PLA2R1: variants seen among roughly 807,000 people sequenced by gnomAD.
PLA2R1 encodes phospholipase A2 receptor 1.
In PLA2R1, 158 loss-of-function variants were observed where a neutral mutation model predicts 195.9. The observed-to-expected ratio is 0.81, with a 90% CI of 0.71 to 0.92. The LOEUF is 0.92. Among genes scored for constraint, PLA2R1 ranks in the 40% least tolerant of loss-of-function variants. The pLI is 0.00. For synonymous variants in PLA2R1, 586 were observed against 598.2 expected (o/e 0.98, Z 0.30); for missense variants, 1,626 against 1,764.6 (o/e 0.92, Z 1.41).
chr2:160,045,753 A>T (rs1694819146), intron 1 of PLA2R1, among the ~76,000 whole-genome samples: 1 of 152,114 alleles, frequency 6.6e-6, no homozygotes, highest in South Asian at 2.1e-4. Flanking sequence ...ACCTCTTGCT[A>T]TATGGGGATA....
At chr2:159,971,276 G>T (rs868163881) in intron 17 of PLA2R1, among the ~76,000 whole-genome samples, 5 of 152,254 alleles carry the variant, frequency 3.3e-5, no homozygotes, top group African/African-American at 9.6e-5. Flanking sequence ...ATCTAAGATT[G>T]TATTAGTAAT....
At chr2:160,031,811 G>A (rs1056115545) in intron 4 of PLA2R1, among the ~76,000 whole-genome samples, 7 of 152,166 alleles carry the variant, frequency 4.6e-5, no homozygotes, top group African/African-American at 1.4e-4. Context: ...CTGCCACCCA[G>A]GCTGGAGTGC....
intron 23 of PLA2R1, among the ~76,000 whole-genome samples, chr2:159,954,231 C>T (rs1028946343): frequency 1.3e-5 from 2 of 152,000 alleles, no homozygotes; most frequent in Non-Finnish European, 2.9e-5. Flanking sequence ...TGGCATACCG[C>T]GCATACACTC....
At chr2:159,924,992 A>C in the PLA2R1 span, among the ~76,000 whole-genome samples, 1 of 152,172 alleles carries the variant, frequency 6.6e-6, no homozygotes, top group African/African-American at 2.4e-5. Context: ...GACTTGGGCA[A>C]TACGATGTGG....
At chr2:160,006,733 G>C (rs1355419) in intron 10 of PLA2R1, among the ~76,000 whole-genome samples, 26,146 of 152,216 alleles carry the variant, frequency 0.17, 4,120 homozygotes, top group African/African-American at 0.42. Flanking sequence ...CAGACCTGCT[G>C]AGTCAATGGA....
chr2:159,934,948 T>C lies in PLA2R1; in HGVS notation c.*6830A>G, dbSNP rs774646230. The C allele has an allele frequency of 4.6e-5, 7 of 152,232 alleles. No individual in the cohort carries two copies. Among genetic ancestry groups the C allele is most frequent in the South Asian group, 2.1e-4 (1 of 4,830 alleles). 9.4% of individuals were successfully genotyped at this position (152,232 alleles called of 1,614,324 possible). ...CTTGCACGTAGTTGTCATGTCTCTT[T>C]AGTGTCCTCCAATCCTTGACATTTC... On this transcript the variant is annotated 3_prime_UTR_variant, in exon 30 of 30. Coordinates refer to ENST00000283243, the MANE Select transcript of PLA2R1 (RefSeq NM_007366.5).
chr2:160,056,563 T>C (rs1363579360), intron 1 of PLA2R1, among the ~76,000 whole-genome samples: 2 of 152,238 alleles, frequency 1.3e-5, no homozygotes, highest in Non-Finnish European at 2.9e-5. Context: ...CATCTAACTT[T>C]CACTAACTGT....
intron 3 of PLA2R1, among the ~76,000 whole-genome samples, chr2:160,041,603 T>C (rs991173327): frequency 6.6e-6 from 1 of 150,606 alleles, no homozygotes; most frequent in African/African-American, 2.4e-5. Context: ...GGCTTGACAA[T>C]GGGCGAGACA....
In PLA2R1 at chr2:159,946,782, C is replaced by T; in HGVS notation, c.3967+19G>A. ...ACCATGTATTTATTTATGTCCTCTC[C>T]TCTACCCAAATCACTTACTGTTACC... On this transcript the variant is annotated intron_variant, in intron 27 of 29. Coordinates refer to ENST00000283243, the MANE Select transcript of PLA2R1 (RefSeq NM_007366.5). 1 of 1,596,500 alleles carries T rather than the reference C, an allele frequency of 6.3e-7. No homozygotes were observed. Among genetic ancestry groups the T allele is most frequent in the Non-Finnish European group, 8.5e-7 (1 of 1,175,628 alleles).
At chr2:159,975,037 A>G (rs1689448440) in intron 17 of PLA2R1, among the ~76,000 whole-genome samples, 1 of 152,192 alleles carries the variant, frequency 6.6e-6, no homozygotes, top group Admixed American at 6.6e-5. Context: ...GGAAAAGAAA[A>G]TGGCTTTTTC....
rs549564329 is a variant in PLA2R1 at position 160,045,172 on chromosome 2, A to G, written c.110-15T>C. 12 of 1,575,312 alleles carry G rather than the reference A, an allele frequency of 7.6e-6. No individual in the cohort carries two copies. In the South Asian group the frequency reaches 1.3e-4, roughly 17 times the overall value. On this transcript the variant is annotated splice_polypyrimidine_tract_variant and intron_variant, in intron 1 of 29. Coordinates refer to ENST00000283243, the MANE Select transcript of PLA2R1 (RefSeq NM_007366.5). ...TATTCCTTTATCTGAAACAAAAATC[A>G]AAGATGTGGCATGAAATTTTCATAT...
intron 1 of PLA2R1, among the ~76,000 whole-genome samples, chr2:160,054,444 G>A (rs1282611252): frequency 6.6e-6 from 1 of 152,156 alleles, no homozygotes; most frequent in Admixed American, 6.5e-5. Context: ...GAAAAAATGT[G>A]TATAGTTAAA....
intron 24 of PLA2R1, among the ~76,000 whole-genome samples, chr2:159,950,146 G>A (rs942330299): frequency 6.6e-6 from 1 of 152,096 alleles, no homozygotes; most frequent in Non-Finnish European, 1.5e-5. Context: ...CTGTTGGTGT[G>A]GGGAAAACCT....
At chr2:160,000,553 C>T (rs1300787351) in intron 11 of PLA2R1, among the ~76,000 whole-genome samples, 1 of 152,016 alleles carries the variant, frequency 6.6e-6, no homozygotes. Flanking sequence ...TAGTTCTAGG[C>T]AAAACCCACA....
chr2:159,959,504 T>C (rs1487517260), intron 20 of PLA2R1, among the ~76,000 whole-genome samples: 1 of 152,204 alleles, frequency 6.6e-6, no homozygotes, highest in African/African-American at 2.4e-5. Context: ...TTTAAAATTG[T>C]TTACTTACTA....
At position 159,934,464 on chromosome 2, in the gene PLA2R1, A is replaced by C. The variant is rs865835718; in HGVS notation, c.*7314T>G. 2 of 152,214 alleles carry C rather than the reference A, an allele frequency of 1.3e-5. No individual in the cohort carries two copies. The highest frequency in any genetic ancestry group is 1.3e-4 in the Admixed American group (2 of 15,282). 9.4% of individuals were successfully genotyped at this position (152,214 alleles called of 1,614,324 possible). A position where few individuals can be genotyped will look rare whatever the true frequency, so the allele number is the denominator to read the frequency against. ...TCTGAGACATGAGAGAAAAAATGTC[A>C]TATAGCAGTGGTCCTCAAACTTTTT... is the stretch of plus-strand genomic sequence containing the variant. On this transcript the variant is annotated 3_prime_UTR_variant, in exon 30 of 30. Transcript: ENST00000283243.
At chr2:159,942,250 C>T in intron 28 of PLA2R1, 91 bp from the exon 29 acceptor site, 2 of 891,116 alleles carry the variant, frequency 2.2e-6, no homozygotes, top group South Asian at 2.9e-5. Flanking sequence ...AAACTATGGC[C>T]CATGACCCTA....
intron 3 of PLA2R1, among the ~76,000 whole-genome samples, chr2:160,035,991 C>T (rs1694142880): frequency 6.6e-6 from 1 of 152,156 alleles, no homozygotes; most frequent in Non-Finnish European, 1.5e-5. Context: ...GCCTGGCTAC[C>T]CTTATTCCTC....
chr2:159,930,880 C>T (rs1175010020), downstream of PLA2R1, among the ~76,000 whole-genome samples: 1 of 152,206 alleles, frequency 6.6e-6, no homozygotes, highest in Non-Finnish European at 1.5e-5. Flanking sequence ...TCAGCACCTC[C>T]GTGATTTCCT....
Sources: allele counts gnomAD v4.1 joint callset (sites outside exome capture counted in the v4.1 genomes callset), GRCh38; gene constraint gnomAD v4.1.1; transcripts MANE v1.5; gene names NCBI Gene and HGNC (gene_info 2026-07-23, HGNC 2026-07-21).